The following LAMA2 variants were observed in gnomAD, a reference collection of about 807,000 sequenced individuals.
LAMA2 encodes laminin subunit alpha-2.
LAMA2 carries 269 observed loss-of-function variants against 364.8 expected under a neutral mutation model. That is an observed-to-expected ratio of 0.74 (90% CI 0.67 to 0.82). LAMA2 has a LOEUF of 0.82. Among genes scored for constraint, LAMA2 ranks in the 40% least tolerant of loss-of-function variants. LAMA2 has a pLI of 0.00. For synonymous variants in LAMA2, 1,379 were observed against 1,370.6 expected, an observed-to-expected ratio of 1.01 and a Z score of -0.14; for missense variants, 3,807 against 3,873.2, an observed-to-expected ratio of 0.98 and a Z score of 0.45.
chr6:129,390,090 AAG>A (rs1779239043), intron 35 of LAMA2, among the ~76,000 whole-genome samples: 1 of 152,212 alleles, frequency 6.6e-6, no homozygotes, highest in South Asian at 2.1e-4. Flanking sequence ...ATAACGAAAA[AAG>A]AATTATAAAG....
chr6:128,932,740 T>G (rs1191682254), intron 1 of LAMA2, among the ~76,000 whole-genome samples: 1 of 152,202 alleles, frequency 6.6e-6, no homozygotes, highest in African/African-American at 2.4e-5. Context: ...TAGATATGCA[T>G]GACGATTTAA....
At chr6:129,015,494 A>G (rs9492193) in intron 1 of LAMA2, among the ~76,000 whole-genome samples, 3,749 of 152,210 alleles carry the variant, frequency 0.025, 141 homozygotes, top group African/African-American at 0.086. Context: ...CATGAAAAAC[A>G]TTAAACATTT....
intron 5 of LAMA2, among the ~76,000 whole-genome samples, chr6:129,146,341 TTA>T (rs1778429127): frequency 6.6e-6 from 1 of 152,038 alleles, no homozygotes; most frequent in South Asian, 2.1e-4. Flanking sequence ...ATTAAAATAA[TTA>T]GTAACATAGC....
rs1227888852 is a variant in LAMA2, at chr6:129,487,306, T to A, written c.7898+684T>A. The stretch of plus-strand genomic sequence containing the variant: ...AAACTGATGACTTTCTTTAGAATGC[T>A]GCAATACTTTATACTTACTTTATTA... On this transcript the variant is annotated intron_variant, in intron 56 of 64. Coordinates refer to ENST00000421865, the MANE Select transcript of LAMA2 (RefSeq NM_000426.4). 2.6e-5 allele frequency among the ~76,000 whole-genome samples: 4 copies of A among 152,348 alleles called. No individual in the cohort carries two copies. The East Asian group carries it at 7.7e-4, about 29-fold the overall frequency.
chr6:129,492,795 T>C (rs1339084432), intron 58 of LAMA2, among the ~76,000 whole-genome samples: 1 of 152,236 alleles, frequency 6.6e-6, no homozygotes, highest in Non-Finnish European at 1.5e-5. Context: ...TTTATCTGCA[T>C]AGTAGATGTC....
intron 1 of LAMA2, among the ~76,000 whole-genome samples, chr6:128,941,902 A>T (rs988725037): frequency 7.9e-5 from 12 of 152,200 alleles, no homozygotes; most frequent in Admixed American, 4.6e-4. Context: ...TCAGAGGTAG[A>T]AGATGCAGGG....
At chr6:129,294,054 C>G (rs934723444) in intron 20 of LAMA2, among the ~76,000 whole-genome samples, 1 of 152,152 alleles carries the variant, frequency 6.6e-6, no homozygotes, top group Non-Finnish European at 1.5e-5. Context: ...GAAAGGCCAA[C>G]GAAGCATGAA....
chr6:129,346,641 G>A (rs1345558453), intron 30 of LAMA2, among the ~76,000 whole-genome samples: 1 of 152,088 alleles, frequency 6.6e-6, no homozygotes, highest in Admixed American at 6.6e-5. Context: ...TCAAGAAAAA[G>A]TTAATGAGGG....
intron 45 of LAMA2, 141 bp from the exon 46 acceptor site, chr6:129,452,847 A>T (rs1304950884): frequency 5.4e-6 from 4 of 734,858 alleles, no homozygotes; most frequent in Non-Finnish European, 9.4e-6. Context: ...TGGTGTCTGC[A>T]TATGGGTGTT....
intron 1 of LAMA2, among the ~76,000 whole-genome samples, chr6:128,977,874 T>A (rs1176530761): frequency 6.6e-6 from 1 of 152,224 alleles, no homozygotes; most frequent in Non-Finnish European, 1.5e-5. Context: ...GTATGGTTGA[T>A]TCATTCTCTC....
intron 10 of LAMA2, among the ~76,000 whole-genome samples, chr6:129,185,154 C>G (rs991321964): frequency 1.3e-5 from 2 of 151,822 alleles, no homozygotes; most frequent in African/African-American, 4.8e-5. Context: ...GGAGCTATTC[C>G]TGGTAACTTT....
At position 128,883,211 on chromosome 6, in the gene LAMA2, G is replaced by T. The variant is rs1775903429; in HGVS notation, c.-35G>T. The T allele has an allele frequency of 6.5e-7, 1 of 1,544,428 alleles. No homozygotes were observed. ...GGACAGGGCGGCAGCGACTCCTCTG[G>T]CTCCCGAGAAGTGGATCCGGTCGCG... On this transcript the variant is annotated 5_prime_UTR_variant, in exon 1 of 65. Transcript: ENST00000421865.
intron 56 of LAMA2, 67 bp downstream of exon 56, chr6:129,486,689 T>TATC: frequency 2.1e-6 from 3 of 1,412,466 alleles, no homozygotes; most frequent in Non-Finnish European, 3.0e-6. Context: ...CATCGGTATC[T>TATC]ATCAGTATCT....
intron 1 of LAMA2, among the ~76,000 whole-genome samples, chr6:129,032,169 T>C (rs1261662214): frequency 1.3e-5 from 2 of 152,230 alleles, no homozygotes; most frequent in Non-Finnish European, 2.9e-5. Context: ...AGCCCTGTGG[T>C]AGGCTCTGAG....
At chr6:129,222,373 A>G (rs537707062) in intron 12 of LAMA2, among the ~76,000 whole-genome samples, 2 of 151,840 alleles carry the variant, frequency 1.3e-5, no homozygotes, top group South Asian at 4.2e-4. Flanking sequence ...GTTAAGTTCT[A>G]GGGTACATGT....
intron 40 of LAMA2, among the ~76,000 whole-genome samples, chr6:129,414,334 C>T (rs938165799): frequency 1.3e-5 from 2 of 152,022 alleles, no homozygotes; most frequent in African/African-American, 4.8e-5. Context: ...GAGGCTGATA[C>T]AATCTTGATG....
At chr6:129,112,559 T>C (rs1257866589) in intron 4 of LAMA2, among the ~76,000 whole-genome samples, 1 of 152,014 alleles carries the variant, frequency 6.6e-6, no homozygotes, top group African/African-American at 2.4e-5. Flanking sequence ...CCTCAACATT[T>C]AGCTATTTTT....
At chr6:129,059,676 T>G in intron 2 of LAMA2, 108 bp from the exon 3 acceptor site, 8 of 709,926 alleles carry the variant, frequency 1.1e-5, no homozygotes, top group Middle Eastern at 2.7e-4. Context: ...ATGTTTGATA[T>G]TCACATGATG....
intron 4 of LAMA2, among the ~76,000 whole-genome samples, chr6:129,108,186 A>G (rs1287117485): frequency 6.6e-6 from 1 of 151,604 alleles, no homozygotes; most frequent in East Asian, 1.9e-4. Flanking sequence ...TTATCTTGGC[A>G]TATTTATATT....
Sources: allele counts gnomAD v4.1 joint callset (sites outside exome capture counted in the v4.1 genomes callset), GRCh38; gene constraint gnomAD v4.1.1; transcripts MANE v1.5; gene names NCBI Gene and HGNC (gene_info 2026-07-23, HGNC 2026-07-21).